Variants in SRFBP1 observed in about 807,000 individuals in gnomAD.
The protein encoded by SRFBP1 is serum response factor-binding protein 1.
A neutral mutation model predicts 45.5 loss-of-function variants in SRFBP1; 47 were observed. The ratio of observed to expected loss-of-function variants is 1.03; its 90% CI spans 0.82 to 1.32. The LOEUF (loss-of-function observed/expected upper bound fraction) is 1.32, where lower values mean the gene tolerates loss of function less well. Ranked by LOEUF, SRFBP1 falls within the 40% of genes most tolerant of loss-of-function variation. The pLI, the probability that SRFBP1 is intolerant of heterozygous loss-of-function variation, is 0.00. For synonymous variants in SRFBP1, 203 were observed against 166.3 expected (o/e 1.22, Z -1.70); for missense variants, 621 against 484.6 (o/e 1.28, Z -2.64).
intron 2 of SRFBP1, among the ~76,000 whole-genome samples, chr5:122,040,455 A>G (rs1224725092): frequency 6.6e-6 from 1 of 152,172 alleles, no homozygotes; most frequent in African/African-American, 2.4e-5. Context: ...TTTTCAGGAT[A>G]AAATTAAAAG....
chr5:122,044,458 C>G (rs1045365279), intron 2 of SRFBP1, among the ~76,000 whole-genome samples: 4 of 152,092 alleles, frequency 2.6e-5, no homozygotes, highest in African/African-American at 9.7e-5. Context: ...AACTAATTTA[C>G]ACTTCAACCA....
intron 1 of SRFBP1, among the ~76,000 whole-genome samples, chr5:121,968,502 A>G (rs2112812487): frequency 6.6e-6 from 1 of 152,282 alleles, no homozygotes; most frequent in South Asian, 2.1e-4. Flanking sequence ...GTTACTTTTC[A>G]GGTTTTATCC....
intron 4 of SRFBP1, among the ~76,000 whole-genome samples, chr5:121,999,167 A>G (rs1159697362): frequency 6.6e-6 from 1 of 152,058 alleles, no homozygotes; most frequent in Non-Finnish European, 1.5e-5. Flanking sequence ...AAATTTTGTT[A>G]TGCTGTATTT....
At chr5:122,066,809 A>G (rs1217002049) in intron 2 of SRFBP1, 2 of 1,048,982 alleles carry the variant, frequency 1.9e-6, no homozygotes, top group East Asian at 4.7e-5. Flanking sequence ...GAATGAGTAC[A>G]ACAGACAAAT....
intron 2 of SRFBP1, chr5:122,070,600 CAAAAT>C: frequency 6.8e-7 from 1 of 1,481,274 alleles, no homozygotes; most frequent in Non-Finnish European, 9.3e-7. Flanking sequence ...CTAAGATAAA[CAAAAT>C]AAAAAATTTA....
chr5:122,006,555 C>T (rs993069562), intron 4 of SRFBP1, among the ~76,000 whole-genome samples: 14 of 152,184 alleles, frequency 9.2e-5, no homozygotes, highest in Admixed American at 2.6e-4. Context: ...GATGCTGTTC[C>T]ATAAATCTCA....
chr5:122,057,181 A>G (rs539725861), intron 2 of SRFBP1, among the ~76,000 whole-genome samples: 5 of 152,304 alleles, frequency 3.3e-5, no homozygotes, highest in African/African-American at 4.8e-5. Context: ...GATCATTTGT[A>G]TAAGGTTAAA....
rs145043039 is a variant in SRFBP1 at position 121,981,061 on chromosome 5, A to G, written c.198+5674A>G. Among the ~76,000 whole-genome samples, 176 of 152,136 alleles carry G rather than the reference A, an allele frequency of 1.2e-3. 2 individuals carry two copies. In the East Asian group the frequency reaches 0.028, roughly 24 times the overall value. ...TCCAAGTAAGCTTGGTGGACCCTCC[A>G]TCAGAGTCTGTTTCCATTTACTCTC... On this transcript the variant is annotated intron_variant, in intron 3 of 7. Transcript: ENST00000339397.
intron 4 of SRFBP1, among the ~76,000 whole-genome samples, chr5:122,008,986 A>G (rs1217498305): frequency 6.6e-6 from 1 of 152,220 alleles, no homozygotes; most frequent in Non-Finnish European, 1.5e-5. Context: ...TAATAGTATC[A>G]CACATACGTT....
chr5:121,981,994 A>G (rs1752418598), intron 3 of SRFBP1, among the ~76,000 whole-genome samples: 1 of 151,600 alleles, frequency 6.6e-6, no homozygotes, highest in Non-Finnish European at 1.5e-5. Context: ...TGGCACGTTT[A>G]CAGTGTTGAG....
intron 2 of SRFBP1, chr5:122,066,563 T>A (rs1295161769): frequency 2.0e-6 from 1 of 499,576 alleles, no homozygotes; most frequent in Non-Finnish European, 3.7e-6. Flanking sequence ...CAAGTAATGA[T>A]GACTTAAGCG....
intron 2 of SRFBP1, among the ~76,000 whole-genome samples, chr5:122,062,029 G>T (rs1363028621): frequency 6.6e-6 from 1 of 151,714 alleles, no homozygotes; most frequent in Non-Finnish European, 1.5e-5. Flanking sequence ...TTTTAAAAAA[G>T]ACTCGTGACA....
At chr5:122,018,168 A>T (rs1002486795) in intron 4 of SRFBP1, among the ~76,000 whole-genome samples, 1 of 152,276 alleles carries the variant, frequency 6.6e-6, no homozygotes, top group Non-Finnish European at 1.5e-5. Flanking sequence ...GCTAAGCATC[A>T]GAAAGCAATA....
rs376915259 is a variant in SRFBP1 at position 121,975,391 on chromosome 5, A to G, written c.198+4A>G. The G allele has an allele frequency of 4.6e-4, 736 of 1,613,168 alleles. 2 individuals are homozygous for G. The highest frequency in any genetic ancestry group is 2.3e-3 in the South Asian group (206 of 91,072). Reference sequence around the variant, plus strand: ...TGAAGAAATCCATGCCATGAAGGTAAGGACTTGTGTGGGTGTGTATGTGTG... The same window carrying G: ...TGAAGAAATCCATGCCATGAAGGTAGGGACTTGTGTGGGTGTGTATGTGTG... On this transcript the variant is annotated splice_donor_region_variant and intron_variant, in intron 3 of 7. Transcript: ENST00000339397.
chr5:122,021,668 CTTTTTTTTTTTTTT>C (rs912072262), intron 6 of SRFBP1, among the ~76,000 whole-genome samples: 5 of 96,954 alleles, frequency 5.2e-5, no homozygotes, highest in African/African-American at 1.4e-4. Context: ...AAATATAAAT[CTTTTTTTTTTTTTT>C]TTTTTTTTTT....
At chr5:122,045,743 A>G (rs1753844472) in intron 2 of SRFBP1, among the ~76,000 whole-genome samples, 1 of 152,140 alleles carries the variant, frequency 6.6e-6, no homozygotes, top group Non-Finnish European at 1.5e-5. Flanking sequence ...TATCATATTG[A>G]GGAGCTTTTG....
chr5:122,030,876 G>T (rs960786391), downstream of SRFBP1, among the ~76,000 whole-genome samples: 1 of 152,068 alleles, frequency 6.6e-6, no homozygotes, highest in African/African-American at 2.4e-5. Flanking sequence ...CAGAAAGGTT[G>T]AACAACTAAA....
At chr5:122,032,610 A>C (rs1753609077), downstream of SRFBP1, among the ~76,000 whole-genome samples, 1 of 152,242 alleles carries the variant, frequency 6.6e-6, no homozygotes, top group South Asian at 2.1e-4. Flanking sequence ...GATCTTCCTC[A>C]TTTAAAAAAT....
chr5:122,035,989 A>G (rs1012170338), intron 2 of SRFBP1, among the ~76,000 whole-genome samples: 2 of 152,208 alleles, frequency 1.3e-5, no homozygotes, highest in African/African-American at 4.8e-5. Flanking sequence ...ACAGGTATCA[A>G]ACAAACGATG....
Sources: allele counts gnomAD v4.1 joint callset (sites outside exome capture counted in the v4.1 genomes callset), GRCh38; gene constraint gnomAD v4.1.1; transcripts MANE v1.5; gene names NCBI Gene and HGNC (gene_info 2026-07-23, HGNC 2026-07-21).